Variants in SDHAF2 observed in about 807,000 individuals in gnomAD.
The protein encoded by SDHAF2 is succinate dehydrogenase complex assembly factor 2.
SDHAF2 carries 21 observed loss-of-function variants against 18.5 expected under a neutral mutation model. The observed-to-expected ratio is 1.13, with a 90% CI of 0.80 to 1.63. The LOEUF is 1.63. Among genes scored for constraint, SDHAF2 ranks in the 40% most tolerant of loss-of-function variants. SDHAF2 has a pLI of 0.00. For missense variants in SDHAF2, 195 were observed against 200.3 expected (o/e 0.97, Z 0.16); for synonymous variants, 84 against 70.7 (o/e 1.19, Z -0.94).
Position 61,441,373 on chromosome 11 carries a change from A to G in SDHAF2, c.370+3260A>G, listed in dbSNP as rs527999310. On this transcript the variant is annotated intron_variant, in intron 3 of 3. Transcript: ENST00000301761. ...TGGTGAAACCCCGTCTCTACTAAAA[A>G]TACTGGGCGTGGTGGTGGGCGCCTG... 2.6e-5 allele frequency among the ~76,000 whole-genome samples: 4 copies of G among 152,056 alleles called. No individual in the cohort carries two copies. In the South Asian group the frequency reaches 8.3e-4, roughly 32 times the overall value.
rs150847603 is a variant in SDHAF2 at position 61,443,194 on chromosome 11, G to C, written c.371-2747G>C. On this transcript the variant is annotated intron_variant, in intron 3 of 3. Coordinates refer to ENST00000301761, the MANE Select transcript of SDHAF2 (RefSeq NM_017841.4). ...TTTCCTTGATGATGTCAAATCTCAT[G>C]ATGGGCCTGTTGAAACCATTCTGCA... Among the ~76,000 whole-genome samples the C allele has an allele frequency of 5.5e-3, 834 of 152,310 alleles. 11 individuals carry two copies. The highest frequency in any genetic ancestry group is 0.019 in the African/African-American group (770 of 41,562).
At chr11:61,443,221 A>G (rs1862091609) in intron 3 of SDHAF2, among the ~76,000 whole-genome samples, 1 of 152,208 alleles carries the variant, frequency 6.6e-6, no homozygotes, top group Non-Finnish European at 1.5e-5. Context: ...CATTCTGCAT[A>G]TCTGCTACTG....
intron 3 of SDHAF2, among the ~76,000 whole-genome samples, chr11:61,443,017 A>AGTGTTGGGATTACAGGC (rs1862089652): frequency 6.6e-6 from 1 of 152,168 alleles, no homozygotes; most frequent in Non-Finnish European, 1.5e-5. Context: ...AGTCCCTTAA[A>AGTGTTGGGATTACAGGC]GTGTTGGGAT....
At position 61,437,963 on chromosome 11, in the gene SDHAF2, C is replaced by A. The variant is rs550980414; in HGVS notation, c.261-41C>A. On this transcript the variant is annotated intron_variant, in intron 2 of 3. Coordinates refer to ENST00000301761, the MANE Select transcript of SDHAF2 (RefSeq NM_017841.4). ...GTCACTTCTCTTTTATTAGACACAG[C>A]CTTCTCAACCTCTTTTTCTTTTTTT... The A allele has an allele frequency of 5.0e-6, 8 of 1,592,420 alleles. No homozygotes were observed. In the East Asian group the frequency reaches 1.3e-4, roughly 27 times the overall value.
chr11:61,436,822 T>G (rs558332407), intron 1 of SDHAF2: 2 of 1,204,070 alleles, frequency 1.7e-6, no homozygotes, highest in Admixed American at 2.3e-5. Context: ...GATCTGGGGT[T>G]TCCTACTCCA....
At chr11:61,432,691 G>A (rs1349594048) in intron 1 of SDHAF2, 1 of 66,680 alleles carries the variant, frequency 1.5e-5, no homozygotes, top group Non-Finnish European at 4.5e-5. Flanking sequence ...ATATTTCGTT[G>A]ACTTTTTTTT....
chr11:61,432,422 A>G (rs1260655200), intron 1 of SDHAF2: 1 of 152,240 alleles, frequency 6.6e-6, no homozygotes, highest in Non-Finnish European at 1.5e-5. Flanking sequence ...AATTATTTCT[A>G]GATTACTTAT....
chr11:61,438,298 CAAGCGA>C, intron 3 of SDHAF2, 185 bp downstream of exon 3: 1 of 640,630 alleles, frequency 1.6e-6, no homozygotes, highest in South Asian at 1.8e-5. Context: ...CTTCCAGGTT[CAAGCGA>C]TTCTCCAGCC....
In SDHAF2 at chr11:61,446,053, C is replaced by G. The variant is rs1862133729; in HGVS notation, c.483C>G (p.Leu161=). The G allele has an allele frequency of 7.4e-6, 12 of 1,614,212 alleles. No homozygotes were observed. Among genetic ancestry groups the G allele is most frequent in the Non-Finnish European group, 1.0e-5 (12 of 1,180,044 alleles). Residue 161 remains leucine (L), a synonymous_variant, in exon 4 of 4, where the codon CTC becomes CTG. Transcript: ENST00000301761. ...TGCGTGCCCCAGATCTTGAGTACCT[C>G]TTTGAAAAGCCACGTTGAGCTGTGC... ...QRLRAPDLEY[L]FEKPR
At position 61,438,104 on chromosome 11, in the gene SDHAF2, T is replaced by C. The variant is rs1334291951; in HGVS notation, c.361T>C (p.Trp121Arg). 3 of 1,610,720 alleles carry C rather than the reference T, an allele frequency of 1.9e-6. No individual in the cohort carries two copies. Among genetic ancestry groups the C allele is most frequent in the Non-Finnish European group, 2.5e-6 (3 of 1,176,922 alleles). ...TAGTAATGACTGGGATATTTACTAC[T>C]GGGCCACAGGTACTGGGTATGATAA... The part of the protein sequence containing the change: ...EPSNDWDIYY[W>R]ATEAKPAPEI... Residue 121 changes from tryptophan to arginine, a missense_variant, in exon 3 of 4, where the codon TGG (tryptophan) becomes CGG (arginine). Coordinates refer to ENST00000301761, the MANE Select transcript of SDHAF2 (RefSeq NM_017841.4).
intron 3 of SDHAF2, among the ~76,000 whole-genome samples, chr11:61,444,597 G>A (rs1862114231): frequency 6.6e-6 from 1 of 152,100 alleles, no homozygotes; most frequent in African/African-American, 2.4e-5. Context: ...CAAAAAATCA[G>A]CCGAGCGTGG....
At chr11:61,445,433 G>A (rs546586917) in intron 3 of SDHAF2, among the ~76,000 whole-genome samples, 13 of 152,146 alleles carry the variant, frequency 8.5e-5, no homozygotes, top group African/African-American at 2.4e-4. Flanking sequence ...GTTTACTAGA[G>A]TTATTAGTTT....
chr11:61,437,815 A>G lies in SDHAF2; in HGVS notation c.227A>G (p.Lys76Arg). 2.5e-6 allele frequency: 4 copies of G among 1,613,934 alleles called. No homozygotes were observed. The South Asian group carries it at 4.4e-5, about 18-fold the overall frequency. Residue 76 changes from lysine (K) to arginine (R), a missense_variant, in exon 2 of 4, where the codon AAG becomes AGG. Coordinates refer to ENST00000301761, the MANE Select transcript of SDHAF2 (RefSeq NM_017841.4). Reference sequence around the variant, plus strand: ...GCCCGCCTGCTCTATGAGAGCAGAAAGAGGGGAATGTTGGAAAACTGCATT... The same window carrying G: ...GCCCGCCTGCTCTATGAGAGCAGAAGGAGGGGAATGTTGGAAAACTGCATT... Reference protein sequence around the residue: ...KRARLLYESRKRGMLENCILL... With the variant: ...KRARLLYESRRRGMLENCILL...
chr11:61,433,081 C>T (rs1312761580), intron 1 of SDHAF2: 2 of 150,830 alleles, frequency 1.3e-5, no homozygotes, highest in African/African-American at 2.4e-5. Flanking sequence ...GCTCTGTTGC[C>T]AGGCTGGAGT....
In SDHAF2 at chr11:61,446,068, T is replaced by A. The variant is rs776140713; in HGVS notation, c.498T>A (p.Arg166=). ...PDLEYLFEKP[R] Reference sequence around the variant, plus strand: ...TTGAGTACCTCTTTGAAAAGCCACGTTGAGCTGTGCTCCACGGCCTGGCAT... The same window carrying A: ...TTGAGTACCTCTTTGAAAAGCCACGATGAGCTGTGCTCCACGGCCTGGCAT... The change falls in exon 4 of 4, where the codon CGT becomes CGA. Residue 166 remains arginine, a synonymous_variant. Coordinates refer to ENST00000301761, the MANE Select transcript of SDHAF2 (RefSeq NM_017841.4). 6.2e-7 allele frequency: 1 copy of A among 1,614,216 alleles called. No individual in the cohort carries two copies. Among genetic ancestry groups the A allele is most frequent in the South Asian group, 1.1e-5 (1 of 91,088 alleles).
chr11:61,430,287 C>A, intron 1 of SDHAF2, 105 bp downstream of exon 1: 1 of 1,474,616 alleles, frequency 6.8e-7, no homozygotes, highest in Non-Finnish European at 9.4e-7. Context: ...TGCCCGATAG[C>A]GCAGGGCAAG....
intron 1 of SDHAF2, chr11:61,434,502 G>GC (rs1436875361): frequency 6.6e-6 from 1 of 150,700 alleles, no homozygotes; most frequent in Non-Finnish European, 1.5e-5. Context: ...TAAGCTTTCT[G>GC]CCCCTGTCTT....
chr11:61,436,542 T>TC (rs1861995885), intron 1 of SDHAF2, among the ~76,000 whole-genome samples: 2 of 152,088 alleles, frequency 1.3e-5, no homozygotes, highest in South Asian at 4.1e-4. Flanking sequence ...AGAAACCTGA[T>TC]CCCCCCAAAA....
Position 61,445,924 on chromosome 11 carries a change from C to G in SDHAF2, c.371-17C>G, listed in dbSNP as rs1404805808. 10 of 1,613,832 alleles carry G rather than the reference C, an allele frequency of 6.2e-6. No individual in the cohort carries two copies. Among genetic ancestry groups the G allele is most frequent in the Non-Finnish European group, 8.5e-6 (10 of 1,179,974 alleles). On this transcript the variant is annotated splice_polypyrimidine_tract_variant and intron_variant, in intron 3 of 3. Coordinates refer to ENST00000301761, the MANE Select transcript of SDHAF2 (RefSeq NM_017841.4). ...CTGACTATGGCATAATTTTTTCTGC[C>G]CACTCTTCTCTTGCAGAAGCTAAAC... is the stretch of plus-strand genomic sequence containing the variant.
Sources: gnomAD v4.1 joint callset for allele counts (sites outside exome capture counted in the v4.1 genomes callset) on GRCh38, gnomAD v4.1.1 for gene constraint, MANE v1.5 for transcripts, NCBI Gene and HGNC (gene_info 2026-07-23, HGNC 2026-07-21) for gene names.